The following RAPGEF5 variants were observed in gnomAD, a reference collection of about 807,000 sequenced individuals.
RAPGEF5 encodes the protein Rap guanine nucleotide exchange factor 5.
Under a neutral mutation model 125.2 loss-of-function variants are expected in RAPGEF5, and 65 were observed. That is an observed-to-expected ratio of 0.52 (90% CI 0.43 to 0.64). RAPGEF5 has a LOEUF of 0.64. Among genes scored for constraint, RAPGEF5 ranks in the 30% least tolerant of loss-of-function variants. The pLI is 0.00. For synonymous variants in RAPGEF5, 391 were observed against 385.9 expected, an observed-to-expected ratio of 1.01 and a Z score of -0.16; for missense variants, 958 against 1,048.1, an observed-to-expected ratio of 0.91 and a Z score of 1.19.
chr7:22,150,764 A>C (rs1184696755), intron 17 of RAPGEF5, among the ~76,000 whole-genome samples: 1 of 152,220 alleles, frequency 6.6e-6, no homozygotes, highest in Non-Finnish European at 1.5e-5. Context: ...ATTGTTTGGA[A>C]CACAGAACAG....
chr7:22,292,790 C>T (rs1245308109), intron 5 of RAPGEF5, among the ~76,000 whole-genome samples: 1 of 152,184 alleles, frequency 6.6e-6, no homozygotes, highest in Non-Finnish European at 1.5e-5. Flanking sequence ...GCTGGTTGTG[C>T]CTTTTCATGT....
rs73683335 is a variant in RAPGEF5, at chr7:22,241,376, C to T, written c.797-10457G>A. On this transcript the variant is annotated intron_variant, in intron 7 of 25. Coordinates refer to ENST00000665637, the MANE Select transcript of RAPGEF5 (RefSeq NM_012294.5). ...GTGTTTGCAAATACAAGCAGTGACA[C>T]CAAATGAGCCACTAAATAAATAGAG... Among the ~76,000 whole-genome samples the T allele has an allele frequency of 1.0e-3, 153 of 151,834 alleles. 1 individual carries two copies. Among genetic ancestry groups the T allele is most frequent in the African/African-American group, 3.6e-3 (151 of 41,394 alleles).
At chr7:22,212,160 A>G (rs1461314316) in intron 9 of RAPGEF5, among the ~76,000 whole-genome samples, 1 of 152,236 alleles carries the variant, frequency 6.6e-6, no homozygotes, top group Admixed American at 6.5e-5. Flanking sequence ...TTTTTAGTAC[A>G]GACAGAGTTT....
At chr7:22,324,818 C>T (rs185296647) in intron 1 of RAPGEF5, among the ~76,000 whole-genome samples, 245 of 152,298 alleles carry the variant, frequency 1.6e-3, no homozygotes, top group Non-Finnish European at 2.6e-3. Flanking sequence ...GAAAACACCT[C>T]CCTACATGTC....
intron 9 of RAPGEF5, among the ~76,000 whole-genome samples, chr7:22,211,963 CTTTTTTTTTTTT>C (rs749576250): frequency 2.6e-5 from 3 of 114,360 alleles, no homozygotes; most frequent in African/African-American, 6.8e-5. Flanking sequence ...CATGTGTTCT[CTTTTTTTTTTTT>C]TTTTTTTTTT....
At chr7:22,317,629 G>A (rs1783629851) in intron 2 of RAPGEF5, among the ~76,000 whole-genome samples, 1 of 152,112 alleles carries the variant, frequency 6.6e-6, no homozygotes, top group South Asian at 2.1e-4. Flanking sequence ...AAAACTCAGT[G>A]TAAAATATAT....
intron 9 of RAPGEF5, among the ~76,000 whole-genome samples, chr7:22,210,148 C>A (rs2128130255): frequency 1.3e-5 from 2 of 152,284 alleles, no homozygotes; most frequent in South Asian, 4.1e-4. Context: ...CAGAGGAAAA[C>A]TCCAGACTAC....
intron 11 of RAPGEF5, among the ~76,000 whole-genome samples, chr7:22,178,914 T>G (rs1784590781): frequency 6.6e-6 from 1 of 152,112 alleles, no homozygotes; most frequent in Non-Finnish European, 1.5e-5. Context: ...ATCCTGAAGC[T>G]ATCTAGGGAC....
rs371350638 is a variant in RAPGEF5 at position 22,126,834 on chromosome 7, G to A, written c.2482-1176C>T. Among the ~76,000 whole-genome samples, 8 of 152,058 alleles carry A rather than the reference G, an allele frequency of 5.3e-5. 1 individual carries two copies. The East Asian group carries it at 1.2e-3, about 22-fold the overall frequency. On this transcript the variant is annotated intron_variant, in intron 24 of 25. Coordinates refer to ENST00000665637, the MANE Select transcript of RAPGEF5 (RefSeq NM_012294.5). Reference sequence around the variant, plus strand: ...GATGGGGTTTCACCATGTTGGCTAGGCTGGTCTCGAACTCCTGACCTCAGA... The same window carrying A: ...GATGGGGTTTCACCATGTTGGCTAGACTGGTCTCGAACTCCTGACCTCAGA...
intron 14 of RAPGEF5, among the ~76,000 whole-genome samples, chr7:22,159,720 A>G (rs1783922686): frequency 6.6e-6 from 1 of 152,218 alleles, no homozygotes. Flanking sequence ...CCTAGGGGAC[A>G]CTTAGACATG....
intron 7 of RAPGEF5, among the ~76,000 whole-genome samples, chr7:22,255,935 C>T (rs10253641): frequency 0.43 from 65,228 of 151,998 alleles, 14,928 homozygotes; most frequent in East Asian, 0.72. Context: ...AAACCTGAGT[C>T]TGCATTCTGC....
chr7:22,289,419 G>A (rs765066115), intron 6 of RAPGEF5, among the ~76,000 whole-genome samples: 4 of 152,092 alleles, frequency 2.6e-5, no homozygotes, highest in South Asian at 2.1e-4. Context: ...GTAAGCTTTC[G>A]TATCTATAAA....
At chr7:22,258,113 G>T (rs376153449) in intron 7 of RAPGEF5, among the ~76,000 whole-genome samples, 5 of 152,046 alleles carry the variant, frequency 3.3e-5, no homozygotes, top group Admixed American at 1.3e-4. Context: ...ACACAAAATC[G>T]AAAATTCTCA....
chr7:22,311,708 T>C (rs998360971), intron 3 of RAPGEF5, among the ~76,000 whole-genome samples: 1 of 152,204 alleles, frequency 6.6e-6, no homozygotes, highest in Non-Finnish European at 1.5e-5. Flanking sequence ...AACAGTCAAA[T>C]ATATGGATTT....
chr7:22,152,805 T>C (rs1783670952), intron 17 of RAPGEF5, among the ~76,000 whole-genome samples: 1 of 152,196 alleles, frequency 6.6e-6, no homozygotes, highest in African/African-American at 2.4e-5. Context: ...GTGAAAACAT[T>C]ATTGTTTGGG....
chr7:22,159,323 T>A lies in RAPGEF5; in HGVS notation c.1526+1195A>T, dbSNP rs376166517. ...ACTTTTAAATCTCTCAATGTAAGATTTTGATGATTGAGGACTATACACATG... is the reference window on the plus strand; with the variant it reads ...ACTTTTAAATCTCTCAATGTAAGATATTGATGATTGAGGACTATACACATG... On this transcript the variant is annotated intron_variant, in intron 14 of 25. Coordinates refer to ENST00000665637, the MANE Select transcript of RAPGEF5 (RefSeq NM_012294.5). Among the ~76,000 whole-genome samples, 11 of 152,326 alleles carry A rather than the reference T, an allele frequency of 7.2e-5. No homozygotes were observed. In the East Asian group the frequency reaches 2.1e-3, roughly 29 times the overall value.
At chr7:22,294,309 CTCTCCTTTAGG>C (rs1783002341) in intron 5 of RAPGEF5, among the ~76,000 whole-genome samples, 1 of 152,202 alleles carries the variant, frequency 6.6e-6, no homozygotes, top group Non-Finnish European at 1.5e-5. Flanking sequence ...CCAACAGATG[CTCTCCTTTAGG>C]AATTCCCTGG....
chr7:22,164,789 C>A (rs1348566255), intron 12 of RAPGEF5, among the ~76,000 whole-genome samples: 2 of 152,092 alleles, frequency 1.3e-5, no homozygotes, highest in Non-Finnish European at 2.9e-5. Context: ...ATGTAATGCA[C>A]AGAATATTAG....
At position 22,314,551 on chromosome 7, in the gene RAPGEF5, C is replaced by T. The variant is rs1462684067; in HGVS notation, c.389+819G>A. Reference sequence around the variant, plus strand: ...AAGTTTATTTAACATAAAGGAATATCCTTTATTCTGAGAACTTCCTACTTT... The same window carrying T: ...AAGTTTATTTAACATAAAGGAATATTCTTTATTCTGAGAACTTCCTACTTT... On this transcript the variant is annotated intron_variant, in intron 3 of 25. Coordinates refer to ENST00000665637, the MANE Select transcript of RAPGEF5 (RefSeq NM_012294.5). 7.3e-6 allele frequency: 6 copies of T among 818,110 alleles called. No individual in the cohort carries two copies. In the South Asian group the frequency reaches 3.3e-4, roughly 46 times the overall value. The allele number at this position is 818,110 out of a possible 1,614,324, so 50.7% of individuals were successfully genotyped here.
Sources: gnomAD v4.1 joint callset for allele counts (sites outside exome capture counted in the v4.1 genomes callset) on GRCh38, gnomAD v4.1.1 for gene constraint, MANE v1.5 for transcripts, NCBI Gene and HGNC (gene_info 2026-07-23, HGNC 2026-07-21) for gene names.